The following INTS1 variants were observed in gnomAD, a reference collection of about 807,000 sequenced individuals.
INTS1 encodes integrator complex subunit 1.
Under a neutral mutation model 241.6 loss-of-function variants are expected in INTS1, and 137 were observed. The observed-to-expected ratio is 0.57, with a 90% CI of 0.49 to 0.65. The LOEUF (loss-of-function observed/expected upper bound fraction) is 0.65, where lower values mean the gene tolerates loss of function less well. INTS1 is among the 30% of genes least tolerant of loss of function. The probability of loss-of-function intolerance (pLI) is 0.00; values close to 1 mark genes in which losing one functional copy is unlikely to be tolerated. For synonymous variants in INTS1, 1,692 were observed against 1,337.8 expected (o/e 1.26, Z -5.78); for missense variants, 3,073 against 3,032.2 (o/e 1.01, Z -0.32).
In INTS1 at chr7:1,479,434, T is replaced by C; in HGVS notation, c.4325A>G (p.Tyr1442Cys). Residue 1442 changes from tyrosine to cysteine, a missense_variant, in exon 31 of 48, where the codon TAC (tyrosine) becomes TGC (cysteine). Coordinates refer to ENST00000404767, the MANE Select transcript of INTS1 (RefSeq NM_001080453.3). ...ACPLLRQLCQ[Y>C]QRCVPQDTGF... ...AAGAGGCCCACGCCCAAGTACCTGGTACTGGCAGAGCTGGCGCAGCAGCGG... is the reference window on the plus strand; with the variant it reads ...AAGAGGCCCACGCCCAAGTACCTGGCACTGGCAGAGCTGGCGCAGCAGCGG... 6.3e-7 allele frequency: 1 copy of C among 1,576,776 alleles called. No homozygotes were observed. The highest frequency in any genetic ancestry group is 8.6e-7 in the Non-Finnish European group (1 of 1,162,262).
intron 8 of INTS1, 45 bp downstream of exon 8, chr7:1,498,930 G>GGCCCCCC: frequency 6.2e-6 from 9 of 1,460,124 alleles, no homozygotes; most frequent in Non-Finnish European, 7.4e-6. Flanking sequence ...CACAGAGCCT[G>GGCCCCCC]CCCCCACCCC....
intron 27 of INTS1, 126 bp downstream of exon 27, chr7:1,482,420 C>A: frequency 1.1e-6 from 1 of 924,486 alleles, no homozygotes. Context: ...TGCAGGATCC[C>A]CTGAGGCTAC....
rs1353147247 is a variant in INTS1 at position 1,470,834 on chromosome 7, G to A, written c.6457+12C>T. On this transcript the variant is annotated intron_variant, in intron 47 of 47. Transcript: ENST00000404767. The stretch of plus-strand genomic sequence containing the variant: ...GGGCTGCCAGGGCCCTGGGCGGGGG[G>A]CCAGTCCTCACCTTGGCACAGGAGA... The A allele has an allele frequency of 7.6e-6, 12 of 1,570,152 alleles. No individual in the cohort carries two copies. Among genetic ancestry groups the A allele is most frequent in the African/African-American group, 1.4e-5 (1 of 73,738 alleles).
intron 11 of INTS1, among the ~76,000 whole-genome samples, chr7:1,496,648 G>A (rs1447507304): frequency 6.6e-6 from 1 of 152,170 alleles, no homozygotes. Flanking sequence ...CAAGGTCCTA[G>A]TCTGGCCACA....
Position 1,498,509 on chromosome 7 carries a change from TTGA to T in INTS1, c.1325_1327del (p.Ile442del). On this transcript the variant is annotated inframe_deletion, in exon 10 of 48. Coordinates refer to ENST00000404767, the MANE Select transcript of INTS1 (RefSeq NM_001080453.3). The stretch of plus-strand genomic sequence containing the variant: ...GGAGAGCTCATTGAAGATCACCAAC[TTGA>T]TGGTGGTGCCCAGGTTGTCCTTGTG... 6.2e-7 allele frequency: 1 copy of T among 1,613,856 alleles called. No homozygotes were observed. Among genetic ancestry groups the T allele is most frequent in the Non-Finnish European group, 8.5e-7 (1 of 1,179,866 alleles).
In INTS1 at chr7:1,480,867, G is replaced by A. The variant is rs968979720; in HGVS notation, c.3917C>T (p.Ser1306Phe). ...RGASGGQTFH[S>F]LLTASLPPRR... Reference sequence around the variant, plus strand: ...GGGCGGCAGGGAGGCTGTGAGCAAGGAGTGGAAAGTCTGGCCTCCGGAGGC... The same window carrying A: ...GGGCGGCAGGGAGGCTGTGAGCAAGAAGTGGAAAGTCTGGCCTCCGGAGGC... The change falls in exon 29 of 48, where the codon TCC becomes TTC. Residue 1306 changes from serine to phenylalanine, a missense_variant. Ser to Phe is a radical substitution (Grantham distance 155). Coordinates refer to ENST00000404767, the MANE Select transcript of INTS1 (RefSeq NM_001080453.3). 1 of 1,555,440 alleles carries A rather than the reference G, an allele frequency of 6.4e-7. No homozygotes were observed. The highest frequency in any genetic ancestry group is 8.7e-7 in the Non-Finnish European group (1 of 1,150,420).
Position 1,479,553 on chromosome 7 carries a change from C to G in INTS1, c.4206G>C (p.Thr1402=). The change falls in exon 31 of 48, where the codon ACG becomes ACC. Residue 1402 remains threonine, a synonymous_variant. Coordinates refer to ENST00000404767, the MANE Select transcript of INTS1 (RefSeq NM_001080453.3). ...TGGCGAGGGCCTGCAGGACACGCACCGTGATGCCCGGCACCTCGGGGCTGC... is the reference window on the plus strand; with the variant it reads ...TGGCGAGGGCCTGCAGGACACGCACGGTGATGCCCGGCACCTCGGGGCTGC... The part of the protein sequence containing the change: ...VQGSPEVPGI[T]VRVLQALATL... 1 of 1,554,298 alleles carries G rather than the reference C, an allele frequency of 6.4e-7. No individual in the cohort carries two copies. Among genetic ancestry groups the G allele is most frequent in the South Asian group, 1.2e-5 (1 of 84,370 alleles).
intron 24 of INTS1, 131 bp from the exon 25 acceptor site, chr7:1,484,301 C>G: frequency 2.1e-6 from 2 of 953,808 alleles, no homozygotes; most frequent in Non-Finnish European, 3.1e-6. Flanking sequence ...GACCCTCACT[C>G]AGCCGCAGGC....
intron 39 of INTS1, among the ~76,000 whole-genome samples, chr7:1,475,138 C>T (rs994719880): frequency 8.5e-5 from 13 of 152,262 alleles, no homozygotes; most frequent in Non-Finnish European, 1.9e-4. Flanking sequence ...CATCCCAGCA[C>T]TCTGTGAGGC....
At chr7:1,474,916 T>G (rs1781640762) in intron 39 of INTS1, 78 bp from the exon 40 acceptor site, 1 of 1,502,318 alleles carries the variant, frequency 6.7e-7, no homozygotes, top group Non-Finnish European at 8.9e-7. Context: ...GGCCGCCAGC[T>G]GTGGCCGTGA....
At chr7:1,480,802 G>A (rs1008346327) in intron 29 of INTS1, 33 bp downstream of exon 29, 1 of 1,506,998 alleles carries the variant, frequency 6.6e-7, no homozygotes. Context: ...CCCCAGGCTG[G>A]GTCTCTGTGC....
Position 1,487,396 on chromosome 7 carries a change from T to G in INTS1, c.2570A>C (p.Asn857Thr). ...GAGGTGCCCGAGGCGGAGGGACTGG[T>G]TGAGGCTTTTCACTTGATCCAGGAT... ...PHILDQVKSL[N>T]QSLRLGHLLC... The change falls in exon 20 of 48, where the codon AAC (asparagine) becomes ACC (threonine). Residue 857 changes from asparagine to threonine, a missense_variant. By Grantham distance (65) the Asn-to-Thr change is moderately conservative. Coordinates refer to ENST00000404767, the MANE Select transcript of INTS1 (RefSeq NM_001080453.3). The G allele has an allele frequency of 6.2e-7, 1 of 1,611,958 alleles. No homozygotes were observed. The highest frequency in any genetic ancestry group is 1.1e-5 in the South Asian group (1 of 90,790).
In INTS1 at chr7:1,495,441, G is replaced by A. The variant is rs180741809; in HGVS notation, c.1824C>T (p.Tyr608=). The change falls in exon 13 of 48, where the codon TAC becomes TAT. Residue 608 remains tyrosine, a synonymous_variant. Transcript: ENST00000404767. ...PSISKLAPKD[Y]VHCLHKVLFT... ...CAGGGCCCCAGCCGCACCAGTGCACGTAGTCCTTAGGGGCGAGCTTGCTGA... is the reference window on the plus strand; with the variant it reads ...CAGGGCCCCAGCCGCACCAGTGCACATAGTCCTTAGGGGCGAGCTTGCTGA... The A allele has an allele frequency of 1.9e-4, 299 of 1,611,422 alleles. 2 individuals carry two copies. In the Middle Eastern group the frequency reaches 2.0e-3, roughly 11 times the overall value.
At position 1,481,575 on chromosome 7, in the gene INTS1, G is replaced by A; in HGVS notation, c.3704-87C>T. 1.4e-6 allele frequency: 2 copies of A among 1,412,320 alleles called. No homozygotes were observed. The highest frequency in any genetic ancestry group is 1.9e-6 in the Non-Finnish European group (2 of 1,060,240). The allele number at this position is 1,412,320 out of a possible 1,614,324, so 87.5% of individuals were successfully genotyped here. On this transcript the variant is annotated intron_variant, in intron 27 of 47. Coordinates refer to ENST00000404767, the MANE Select transcript of INTS1 (RefSeq NM_001080453.3). The surrounding 1 kb of genome is among the most constrained non-coding windows in gnomAD (Gnocchi z 6.8). ...ACCCGAGACCTGGGGCTGCCTGTGTGCAGTGACCCCACCCACCTGAGACCC... is the reference window on the plus strand; with the variant it reads ...ACCCGAGACCTGGGGCTGCCTGTGTACAGTGACCCCACCCACCTGAGACCC...
chr7:1,498,941 C>CCGG, intron 8 of INTS1, 34 bp downstream of exon 8: 227 of 1,343,636 alleles, frequency 1.7e-4, no homozygotes, highest in Non-Finnish European at 2.1e-4. Context: ...CCCCCACCCC[C>CCGG]TGCCCCGCCC....
At chr7:1,494,343 T>G in intron 14 of INTS1, 2 of 249,082 alleles carry the variant, frequency 8.0e-6, no homozygotes, top group Non-Finnish European at 1.6e-5. Context: ...GGGGGCAGGG[T>G]GAACTGGCAG....
intron 16 of INTS1, among the ~76,000 whole-genome samples, chr7:1,491,311 C>T (rs1006070769): frequency 6.6e-6 from 1 of 152,242 alleles, no homozygotes; most frequent in Non-Finnish European, 1.5e-5. Flanking sequence ...ATGGGTGCGA[C>T]TTCCGACACG....
chr7:1,488,559 C>T (rs959609885), intron 18 of INTS1, among the ~76,000 whole-genome samples: 2 of 152,094 alleles, frequency 1.3e-5, no homozygotes, highest in African/African-American at 4.8e-5. Flanking sequence ...CCCACAAAAC[C>T]ATGGGCAGAC....
chr7:1,470,815 C>G (rs1781427046), intron 47 of INTS1, 31 bp downstream of exon 47: 4 of 1,536,212 alleles, frequency 2.6e-6, no homozygotes, highest in Non-Finnish European at 3.5e-6. Context: ...CCGAGGGCTG[C>G]CAGGGCCCTG....
Sources: allele counts gnomAD v4.1 joint callset (sites outside exome capture counted in the v4.1 genomes callset), GRCh38; gene constraint gnomAD v4.1.1; non-coding constraint Gnocchi (gnomAD v3.1); transcripts MANE v1.5; gene names NCBI Gene and HGNC (gene_info 2026-07-23, HGNC 2026-07-21).